TRDN: variants seen among roughly 807,000 people sequenced by gnomAD.
TRDN encodes triadin in skeletal muscle.
In TRDN, 161 loss-of-function variants were observed where a neutral mutation model predicts 149.7. The observed-to-expected ratio is 1.08, with a 90% CI of 0.95 to 1.23. The LOEUF is 1.23. TRDN is among the 50% of genes most tolerant of loss of function. The pLI, the probability that TRDN is intolerant of heterozygous loss-of-function variation, is 0.00. For missense variants in TRDN, 896 were observed against 823.5 expected, an observed-to-expected ratio of 1.09 and a Z score of -1.08; for synonymous variants, 294 against 250.5, an observed-to-expected ratio of 1.17 and a Z score of -1.64.
At chr6:123,276,433 G>C (rs1440101969) in intron 26 of TRDN, among the ~76,000 whole-genome samples, 2 of 152,148 alleles carry the variant, frequency 1.3e-5, no homozygotes, top group Non-Finnish European at 2.9e-5. Flanking sequence ...TTCAAGCAAA[G>C]TATGGAAGGT....
At chr6:123,427,478 G>A (rs1051122462) in intron 12 of TRDN, among the ~76,000 whole-genome samples, 1 of 151,836 alleles carries the variant, frequency 6.6e-6, no homozygotes, top group Non-Finnish European at 1.5e-5. Context: ...TCTTCTTACA[G>A]GATTACCTCC....
intron 22 of TRDN, among the ~76,000 whole-genome samples, chr6:123,332,325 C>A (rs2114727985): frequency 6.6e-6 from 1 of 151,850 alleles, no homozygotes; most frequent in Non-Finnish European, 1.5e-5. Context: ...AAAAAATAAA[C>A]AACCAAATAG....
chr6:123,519,419 A>G (rs562118520), intron 5 of TRDN, among the ~76,000 whole-genome samples: 35 of 149,812 alleles, frequency 2.3e-4, no homozygotes, highest in Admixed American at 9.3e-4. Flanking sequence ...GTCACCAGGC[A>G]GACTATGTCT....
intron 5 of TRDN, among the ~76,000 whole-genome samples, chr6:123,519,355 C>T (rs1226233528): frequency 6.6e-6 from 1 of 152,062 alleles, no homozygotes; most frequent in Non-Finnish European, 1.5e-5. Context: ...CCCATCTGGC[C>T]CCTTTCCAGC....
intron 9 of TRDN, among the ~76,000 whole-genome samples, chr6:123,496,603 A>G (rs190554326): frequency 2.6e-5 from 4 of 152,208 alleles, no homozygotes; most frequent in African/African-American, 9.6e-5. Flanking sequence ...ATACCTTTTT[A>G]TACTCTGGGC....
rs571052473 is a variant in TRDN at position 123,431,553 on chromosome 6, C to T, written c.1051+6510G>A. Reference sequence around the variant, plus strand: ...CCAGAAAAAAGATAACTTTCTAAAACCAAGTGCTTTTCAAATAAGGAGAAA... The same window carrying T: ...CCAGAAAAAAGATAACTTTCTAAAATCAAGTGCTTTTCAAATAAGGAGAAA... On this transcript the variant is annotated intron_variant, in intron 12 of 40. Coordinates refer to ENST00000334268, the MANE Select transcript of TRDN (RefSeq NM_006073.4). Among the ~76,000 whole-genome samples the T allele has an allele frequency of 5.3e-5, 8 of 152,012 alleles. No individual in the cohort carries two copies. In the South Asian group the frequency reaches 1.5e-3, roughly 28 times the overall value.
chr6:123,356,016 C>T (rs1780655323), intron 20 of TRDN, among the ~76,000 whole-genome samples: 1 of 151,640 alleles, frequency 6.6e-6, no homozygotes, highest in Admixed American at 6.6e-5. Flanking sequence ...TAGCAATTTT[C>T]CTCTATAGAT....
intron 38 of TRDN, among the ~76,000 whole-genome samples, chr6:123,229,284 A>G (rs1424755859): frequency 6.6e-6 from 1 of 151,928 alleles, no homozygotes; most frequent in Admixed American, 6.6e-5. Flanking sequence ...GCCTACTGAC[A>G]CAAGGGTTCT....
At chr6:123,311,865 C>A (rs770642412) in intron 24 of TRDN, among the ~76,000 whole-genome samples, 5 of 151,790 alleles carry the variant, frequency 3.3e-5, no homozygotes, top group East Asian at 3.9e-4. Context: ...CAGCGTCAAT[C>A]AAAAAAATCA....
Position 123,218,677 on chromosome 6 carries a change from G to A in TRDN, c.2114C>T (p.Pro705Leu), listed in dbSNP as rs754653436. Residue 705 changes from proline to leucine, a missense_variant, in exon 41 of 41, where the codon CCT becomes CTT. Transcript: ENST00000334268. ...TCCAGGGCGGTCTGCAGGAGTGAAA[G>A]GAAACTGAAATCCATAGCCATTGTA... ...DGYNGYGFQF[P>L]FTPADRPGES... 1.9e-6 allele frequency: 3 copies of A among 1,606,764 alleles called. No homozygotes were observed. Among genetic ancestry groups the A allele is most frequent in the South Asian group, 1.1e-5 (1 of 90,212 alleles).
At chr6:123,562,387 G>T (rs1782050056) in intron 2 of TRDN, among the ~76,000 whole-genome samples, 1 of 152,294 alleles carries the variant, frequency 6.6e-6, no homozygotes, top group South Asian at 2.1e-4. Context: ...GGCCTTTGGA[G>T]GCAATTAGGT....
At chr6:123,275,054 T>G (rs1777324825) in intron 26 of TRDN, among the ~76,000 whole-genome samples, 1 of 152,136 alleles carries the variant, frequency 6.6e-6, no homozygotes, top group Non-Finnish European at 1.5e-5. Context: ...AGATAAATTA[T>G]TTTAACAACA....
chr6:123,513,437 A>G (rs550979779), intron 6 of TRDN, among the ~76,000 whole-genome samples: 7 of 152,178 alleles, frequency 4.6e-5, no homozygotes, highest in African/African-American at 1.7e-4. Context: ...AAAATTCCTA[A>G]CTTTTTTTTT....
intron 38 of TRDN, among the ~76,000 whole-genome samples, chr6:123,236,070 C>T (rs1227528083): frequency 6.6e-6 from 1 of 152,170 alleles, no homozygotes; most frequent in Non-Finnish European, 1.5e-5. Flanking sequence ...TGGGTCACAA[C>T]ATAAGCAACT....
chr6:123,312,069 T>G (rs1356069785), intron 24 of TRDN, among the ~76,000 whole-genome samples: 1 of 151,932 alleles, frequency 6.6e-6, no homozygotes, highest in Non-Finnish European at 1.5e-5. Flanking sequence ...CAGAAACACA[T>G]TGGCATTAGA....
chr6:123,536,687 CAATAAATA>C (rs143950900), intron 4 of TRDN, among the ~76,000 whole-genome samples: 1,521 of 129,886 alleles, frequency 0.012, 26 homozygotes, highest in African/African-American at 0.04. Context: ...TCCATCTCTA[CAATAAATA>C]AATAAATAAA....
intron 19 of TRDN, among the ~76,000 whole-genome samples, chr6:123,366,991 T>C (rs1185546197): frequency 6.6e-6 from 1 of 152,192 alleles, no homozygotes; most frequent in African/African-American, 2.4e-5. Context: ...TTAGCTGTAA[T>C]ATCATAGAAA....
chr6:123,473,778 G>A (rs1194604451), intron 9 of TRDN, among the ~76,000 whole-genome samples: 15 of 151,998 alleles, frequency 9.9e-5, no homozygotes, highest in Admixed American at 8.5e-4. Flanking sequence ...GAAGAGAGTA[G>A]GGGCCAATAT....
At chr6:123,262,176 G>C (rs1776795890) in intron 33 of TRDN, among the ~76,000 whole-genome samples, 1 of 151,680 alleles carries the variant, frequency 6.6e-6, no homozygotes, top group Non-Finnish European at 1.5e-5. Context: ...ATGTACCTCA[G>C]GGCTTTAAAA....
Sources: gnomAD v4.1 joint callset for allele counts (sites outside exome capture counted in the v4.1 genomes callset) on GRCh38, gnomAD v4.1.1 for gene constraint, MANE v1.5 for transcripts, NCBI Gene and HGNC (gene_info 2026-07-23, HGNC 2026-07-21) for gene names.